The following CPNE9 variants were observed in gnomAD, a reference collection of about 807,000 sequenced individuals.
CPNE9 encodes copine family member 9.
CPNE9 carries 59 observed loss-of-function variants against 83.0 expected under a neutral mutation model. That is an observed-to-expected ratio of 0.71 (90% CI 0.58 to 0.88). The LOEUF is 0.88. CPNE9 is among the 40% of genes least tolerant of loss of function. The probability of loss-of-function intolerance (pLI) is 0.00; values close to 1 mark genes in which losing one functional copy is unlikely to be tolerated. For missense variants in CPNE9, 619 were observed against 720.8 expected, an observed-to-expected ratio of 0.86 and a Z score of 1.62; for synonymous variants, 256 against 273.4, an observed-to-expected ratio of 0.94 and a Z score of 0.63.
Position 9,705,008 on chromosome 3 carries a change from T to C in CPNE9, c.260+14T>C, listed in dbSNP as rs1553688727. 2.3e-5 allele frequency: 36 copies of C among 1,584,526 alleles called. No homozygotes were observed. The highest frequency in any genetic ancestry group is 3.0e-5 in the Non-Finnish European group (35 of 1,160,086). On this transcript the variant is annotated intron_variant, in intron 4 of 20. Transcript: ENST00000383832. ...GCGCTTCGATGTGTGAGGCCCCGCC[T>C]GGAATTCTGGCTTGGCCCGCCCCCG... is the stretch of plus-strand genomic sequence containing the variant.
At chr3:9,705,814 C>A in intron 6 of CPNE9, 94 bp downstream of exon 6, 2 of 1,434,408 alleles carry the variant, frequency 1.4e-6, no homozygotes, top group Non-Finnish European at 1.9e-6. Context: ...GCAGAGATTG[C>A]TCGCAGACCC....
In CPNE9 at chr3:9,714,946, G is replaced by A. The variant is rs758908204; in HGVS notation, c.683G>A (p.Arg228Gln). 9 of 1,613,628 alleles carry A rather than the reference G, an allele frequency of 5.6e-6. No individual in the cohort carries two copies. Among genetic ancestry groups the A allele is most frequent in the African/African-American group, 2.7e-5 (2 of 74,902 alleles). Reference sequence around the variant, plus strand: ...AAGATTGATGTGTACGACTGGGACCGGGATGGAAGGTAGAACTGCCCCACA... The same window carrying A: ...AAGATTGATGTGTACGACTGGGACCAGGATGGAAGGTAGAACTGCCCCACA... Reference protein sequence around the residue: ...TVKIDVYDWDRDGSHDFIGEF... With the variant: ...TVKIDVYDWDQDGSHDFIGEF... Residue 228 changes from arginine to glutamine, a missense_variant, in exon 11 of 21, where the codon CGG becomes CAG. This residue lies in a region of CPNE9 where 438 missense variants were observed against 562.9 expected (regional missense o/e 0.78). Transcript: ENST00000383832.
At chr3:9,707,692 G>A (rs1410531582) in intron 7 of CPNE9, among the ~76,000 whole-genome samples, 2 of 150,888 alleles carry the variant, frequency 1.3e-5, no homozygotes, top group Non-Finnish European at 3.0e-5. Flanking sequence ...GGCTGAGGTG[G>A]GAGGATCACT....
At chr3:9,714,791 T>A in intron 10 of CPNE9, 123 bp from the exon 11 acceptor site, 1 of 830,918 alleles carries the variant, frequency 1.2e-6, no homozygotes, top group Non-Finnish European at 1.9e-6. Context: ...GGTTGAAAGA[T>A]GAACAACTTA....
Position 9,725,944 on chromosome 3 carries a change from T to C in CPNE9, c.1242-5T>C, listed in dbSNP as rs746887593. On this transcript the variant is annotated splice_polypyrimidine_tract_variant and splice_region_variant and intron_variant, in intron 17 of 20. Transcript: ENST00000383832. ...AGCTGGATTCTCATTTGGCCTCTCATCCAGGGCTGCAGCCAAGATCTCTGA... is the reference window on the plus strand; with the variant it reads ...AGCTGGATTCTCATTTGGCCTCTCACCCAGGGCTGCAGCCAAGATCTCTGA... 3 of 1,610,018 alleles carry C rather than the reference T, an allele frequency of 1.9e-6. No homozygotes were observed. The highest frequency in any genetic ancestry group is 1.7e-6 in the Non-Finnish European group (2 of 1,176,604).
chr3:9,729,459 C>T (rs768391573), intron 20 of CPNE9, 48 bp from the exon 21 acceptor site: 5 of 1,556,352 alleles, frequency 3.2e-6, no homozygotes, highest in Non-Finnish European at 4.4e-6. Flanking sequence ...ACCCCCATGC[C>T]CTCTCTCCTG....
rs753036508 is a variant in CPNE9, at chr3:9,713,011, C to T, written c.582C>T (p.Asn194=). Residue 194 remains asparagine (N), a synonymous_variant, in exon 10 of 21, where the codon AAC becomes AAT. Coordinates refer to ENST00000383832, the MANE Select transcript of CPNE9 (RefSeq NM_153635.3). ...TICHKTEVVK[N]TLNPVWQPFS... is the part of the protein sequence containing the mutation. ...GCCACAAGACAGAGGTTGTGAAAAA[C>T]ACGCTGAATCCTGTGTGGCAGCCCT... The T allele has an allele frequency of 1.2e-6, 2 of 1,614,208 alleles. No individual in the cohort carries two copies. The highest frequency in any genetic ancestry group is 1.1e-5 in the South Asian group (1 of 91,086).
chr3:9,706,064 G>A lies in CPNE9; in HGVS notation c.377+1G>A, dbSNP rs769062047. On this transcript the variant is annotated splice_donor_variant, in intron 7 of 20. Coordinates refer to ENST00000383832, the MANE Select transcript of CPNE9 (RefSeq NM_153635.3). LOFTEE classifies it high-confidence loss of function. Reference sequence around the variant, plus strand: ...GCAGCCGAGTAGAGCGAACCCTCACGTAAGCTGAATAGGAAGGGGTGTGGG... The same window carrying A: ...GCAGCCGAGTAGAGCGAACCCTCACATAAGCTGAATAGGAAGGGGTGTGGG... The A allele has an allele frequency of 3.7e-6, 6 of 1,613,116 alleles. No individual in the cohort carries two copies. The highest frequency in any genetic ancestry group is 2.2e-5 in the South Asian group (2 of 91,080).
intron 17 of CPNE9, among the ~76,000 whole-genome samples, chr3:9,724,188 C>CT (rs201939446): frequency 0.31 from 42,397 of 136,328 alleles, 6,848 homozygotes; most frequent in East Asian, 0.55. Flanking sequence ...CTCTCTAGGT[C>CT]TTTTTTTTTT....
chr3:9,722,792 G>T (rs530585106), intron 17 of CPNE9, among the ~76,000 whole-genome samples: 2 of 152,212 alleles, frequency 1.3e-5, no homozygotes. Context: ...TGGGATCTTA[G>T]ATGTGAGCCA....
At chr3:9,717,886 G>T in intron 15 of CPNE9, 143 bp from the exon 16 acceptor site, 1 of 655,282 alleles carries the variant, frequency 1.5e-6, no homozygotes, top group Non-Finnish European at 2.5e-6. Flanking sequence ...ATGAACAAAT[G>T]GATGATTGGG....
rs1399302319 is a variant in CPNE9 at position 9,703,935 on chromosome 3, C to G, written c.-62C>G. 7.3e-7 allele frequency: 1 copy of G among 1,374,450 alleles called. No homozygotes were observed. Among genetic ancestry groups the G allele is most frequent in the Non-Finnish European group, 9.7e-7 (1 of 1,026,856 alleles). 85.1% of individuals were successfully genotyped at this position (1,374,450 alleles called of 1,614,324 possible). The stretch of plus-strand genomic sequence containing the variant: ...CATGGGCCGGCCCCGCCGCTGCCGT[C>G]GCCCCTAGCCCCAGCAGCCCTGGTC... On this transcript the variant is annotated 5_prime_UTR_variant, in exon 1 of 21. Coordinates refer to ENST00000383832, the MANE Select transcript of CPNE9 (RefSeq NM_153635.3).
chr3:9,703,882 A>AGCGCGG lies in CPNE9; in HGVS notation c.-113_-112insGCGGGC. The AGCGCGG allele has an allele frequency of 1.2e-6, 1 of 821,210 alleles. No homozygotes were observed. The highest frequency in any genetic ancestry group is 3.4e-5 in the East Asian group (1 of 29,346). 50.9% of individuals were successfully genotyped at this position (821,210 alleles called of 1,614,324 possible). A position where few individuals can be genotyped will look rare whatever the true frequency, so the allele number is the denominator to read the frequency against. ...GCGCACGCAGGGCTGGAGCGAGTGC[A>AGCGCGG]GCCGCCGCCGCCGCCGACACCGCGG... On this transcript the variant is annotated 5_prime_UTR_variant, in exon 1 of 21. Coordinates refer to ENST00000383832, the MANE Select transcript of CPNE9 (RefSeq NM_153635.3).
chr3:9,726,773 T>C (rs1480687060), intron 19 of CPNE9, 51 bp downstream of exon 19: 1 of 1,544,240 alleles, frequency 6.5e-7, no homozygotes, highest in Middle Eastern at 1.7e-4. Context: ...AGGAGAAAAG[T>C]GGGAGGGGGT....
intron 14 of CPNE9, among the ~76,000 whole-genome samples, chr3:9,716,556 C>T (rs1024730085): frequency 3.9e-5 from 6 of 152,002 alleles, no homozygotes; most frequent in South Asian, 2.1e-4. Flanking sequence ...CTGCAACCTC[C>T]GCCTCCCAGG....
chr3:9,704,948 G>A lies in CPNE9; in HGVS notation c.214G>A (p.Val72Ile). The A allele has an allele frequency of 6.2e-7, 1 of 1,613,372 alleles. No individual in the cohort carries two copies. Among genetic ancestry groups the A allele is most frequent in the South Asian group, 1.1e-5 (1 of 91,004 alleles). Residue 72 changes from valine (V) to isoleucine (I), a missense_variant, in exon 4 of 21, where the codon GTC becomes ATC. Coordinates refer to ENST00000383832, the MANE Select transcript of CPNE9 (RefSeq NM_153635.3). This position sits in a 1 kb window ranked among gnomAD's most constrained non-coding sequence, Gnocchi z 7.1. ...TLNPDFVRKF[V>I]LDYFFEEKQN... is the part of the protein sequence containing the mutation. Reference sequence around the variant, plus strand: ...GAACCCAGACTTCGTGCGCAAATTCGTCCTCGACTATTTCTTTGAGGAAAA... The same window carrying A: ...GAACCCAGACTTCGTGCGCAAATTCATCCTCGACTATTTCTTTGAGGAAAA...
intron 17 of CPNE9, among the ~76,000 whole-genome samples, chr3:9,725,571 T>C (rs2076769751): frequency 6.7e-6 from 1 of 149,994 alleles, no homozygotes; most frequent in African/African-American, 2.4e-5. Flanking sequence ...TGTGTATGGA[T>C]ATATATATAT....
At chr3:9,705,887 C>A in intron 6 of CPNE9, 100 bp from the exon 7 acceptor site, 1 of 1,424,636 alleles carries the variant, frequency 7.0e-7, no homozygotes. Context: ...CACTCATTCG[C>A]CTGGGAACTG....
At chr3:9,705,386 C>A in intron 4 of CPNE9, 78 bp from the exon 5 acceptor site, 3 of 1,206,560 alleles carry the variant, frequency 2.5e-6, no homozygotes, top group South Asian at 1.4e-5. Context: ...AAAATTTTCA[C>A]CAAGACTCGG....
Sources: gnomAD v4.1 joint callset for allele counts (sites outside exome capture counted in the v4.1 genomes callset) on GRCh38, gnomAD v4.1.1 for gene constraint, gnomAD v4.1.1 regional missense constraint, Gnocchi (gnomAD v3.1) non-coding constraint, MANE v1.5 for transcripts, NCBI Gene and HGNC (gene_info 2026-07-23, HGNC 2026-07-21) for gene names.